Variants in PALS2 observed in about 807,000 individuals in gnomAD.
PALS2 encodes the protein protein associated with LIN7 2, MAGUK p55 family member, also known as protein PALS2.
A neutral mutation model predicts 61.6 loss-of-function variants in PALS2; 27 were observed. That is an observed-to-expected ratio of 0.44 (90% CI 0.32 to 0.60). The LOEUF (loss-of-function observed/expected upper bound fraction) is 0.60. Among genes scored for constraint, PALS2 ranks in the 20% least tolerant of loss-of-function variants. The probability of loss-of-function intolerance (pLI) is 0.05; values close to 1 mark genes in which losing one functional copy is unlikely to be tolerated. For missense variants in PALS2, 554 were observed against 639.4 expected (o/e 0.87, Z 1.44); for synonymous variants, 236 against 218.6 (o/e 1.08, Z -0.70).
chr7:24,626,269 G>C (rs1395638201), intron 2 of PALS2, among the ~76,000 whole-genome samples: 1 of 151,850 alleles, frequency 6.6e-6, no homozygotes, highest in African/African-American at 2.4e-5. Context: ...TTTAAAGATA[G>C]GTTATTAGAA....
At chr7:24,665,389 T>A (rs970699934) in intron 6 of PALS2, among the ~76,000 whole-genome samples, 199 bp from the exon 7 acceptor site, 2 of 152,208 alleles carry the variant, frequency 1.3e-5, no homozygotes, top group South Asian at 2.1e-4. Flanking sequence ...ATGACAGATA[T>A]GAAGAATTTT....
intron 3 of PALS2, among the ~76,000 whole-genome samples, chr7:24,642,570 G>A (rs749965765): frequency 5.3e-5 from 8 of 152,070 alleles, no homozygotes; most frequent in African/African-American, 9.7e-5. Flanking sequence ...CTGCATTTTC[G>A]TGGAAAAAGA....
chr7:24,641,149 T>C (rs973527372), intron 2 of PALS2, among the ~76,000 whole-genome samples: 2 of 151,992 alleles, frequency 1.3e-5, no homozygotes, highest in African/African-American at 2.4e-5. Flanking sequence ...CTGATTAAAT[T>C]ATATAGTCTT....
intron 8 of PALS2, 93 bp from the exon 9 acceptor site, chr7:24,668,406 C>A: frequency 8.2e-7 from 1 of 1,216,920 alleles, no homozygotes; most frequent in Non-Finnish European, 1.1e-6. Context: ...ATTTAACTAT[C>A]AAGACAGCTA....
chr7:24,658,506 C>T (rs1198031831), intron 5 of PALS2, among the ~76,000 whole-genome samples: 1 of 151,658 alleles, frequency 6.6e-6, no homozygotes, highest in African/African-American at 2.4e-5. Flanking sequence ...AAAATTTTAC[C>T]TTGTTGGGTG....
At chr7:24,679,405 T>G in intron 10 of PALS2, 72 bp downstream of exon 10, 1 of 1,518,750 alleles carries the variant, frequency 6.6e-7, no homozygotes, top group Non-Finnish European at 9.0e-7. Flanking sequence ...GTGTCGGGGT[T>G]GTTGGGTTGG....
chr7:24,638,694 A>G (rs1785367868), intron 2 of PALS2, among the ~76,000 whole-genome samples: 1 of 152,122 alleles, frequency 6.6e-6, no homozygotes, highest in Admixed American at 6.6e-5. Flanking sequence ...GCTGATATGA[A>G]AAAATCTTCA....
At chr7:24,637,241 G>A (rs963951221) in intron 2 of PALS2, among the ~76,000 whole-genome samples, 25 of 145,796 alleles carry the variant, frequency 1.7e-4, no homozygotes. Flanking sequence ...GGCAATTTCT[G>A]ATATGTTCTT....
intron 1 of PALS2, among the ~76,000 whole-genome samples, chr7:24,603,657 G>A (rs1261246428): frequency 6.6e-6 from 1 of 152,138 alleles, no homozygotes; most frequent in Non-Finnish European, 1.5e-5. Context: ...CCACAACATT[G>A]GCTCAAATGG....
chr7:24,591,357 C>G (rs1783279500), intron 1 of PALS2, among the ~76,000 whole-genome samples: 1 of 152,088 alleles, frequency 6.6e-6, no homozygotes, highest in South Asian at 2.1e-4. Context: ...TGAGCAAGGC[C>G]TCACTGAGAT....
At chr7:24,657,590 C>G (rs990209132) in intron 5 of PALS2, among the ~76,000 whole-genome samples, 34 of 152,088 alleles carry the variant, frequency 2.2e-4, no homozygotes, top group African/African-American at 8.2e-4. Context: ...TTTATGTATT[C>G]ATTATACAAG....
At chr7:24,607,668 CACATAT>C (rs1024212634) in intron 1 of PALS2, among the ~76,000 whole-genome samples, 1 of 151,160 alleles carries the variant, frequency 6.6e-6, no homozygotes, top group South Asian at 2.1e-4. Context: ...TGTATACACA[CACATAT>C]ACATATGTGT....
chr7:24,684,974 C>T (rs1416111690), intron 11 of PALS2, among the ~76,000 whole-genome samples: 1 of 151,502 alleles, frequency 6.6e-6, no homozygotes, highest in African/African-American at 2.4e-5. Flanking sequence ...TTTTAAGTTC[C>T]GGGGTGCATG....
At chr7:24,640,235 T>G (rs79028118) in intron 2 of PALS2, among the ~76,000 whole-genome samples, 9,611 of 152,204 alleles carry the variant, frequency 0.063, 354 homozygotes, top group African/African-American at 0.093. Context: ...CATATGACTT[T>G]TAGAATTTCT....
In PALS2 at chr7:24,650,596, A is replaced by G; in HGVS notation, c.535A>G (p.Asn179Asp). 2 of 1,611,514 alleles carry G rather than the reference A, an allele frequency of 1.2e-6. No homozygotes were observed. Among genetic ancestry groups the G allele is most frequent in the Non-Finnish European group, 1.7e-6 (2 of 1,177,840 alleles). ...LHVGDIIKEVNGHEVGNNPKE... is the reference protein window; with the variant it reads ...LHVGDIIKEVDGHEVGNNPKE... ...TGTGGGAGATATAATTAAAGAAGTC[A>G]ATGGCCATGAGGTTGGAAATAATCC... The change falls in exon 5 of 12, where the codon AAT becomes GAT. Residue 179 changes from asparagine to aspartate, a missense_variant. Physicochemically the swap from Asn to Asp is conservative, Grantham distance 23. Coordinates refer to ENST00000222644, the MANE Select transcript of PALS2 (RefSeq NM_001303037.2).
rs759427051 is a variant in PALS2, at chr7:24,641,825, A to G, written c.227A>G (p.Asn76Ser). Residue 76 changes from asparagine (N) to serine (S), a missense_variant, in exon 3 of 12, where the codon AAT becomes AGT. Transcript: ENST00000222644. ...DITPLINVDE[N>S]VAELVGILKE... is the part of the protein sequence containing the mutation. ...ACTCCTCTAATAAATGTGGATGAAA[A>G]TGTGGCAGAATTGGTTGGTATACTC... The G allele has an allele frequency of 7.4e-6, 12 of 1,613,208 alleles. No homozygotes were observed. The highest frequency in any genetic ancestry group is 8.5e-7 in the Non-Finnish European group (1 of 1,179,750).
chr7:24,599,021 G>C (rs1484177994), intron 1 of PALS2, among the ~76,000 whole-genome samples: 2 of 152,108 alleles, frequency 1.3e-5, no homozygotes, highest in Non-Finnish European at 2.9e-5. Context: ...TGTTGAATGA[G>C]GCAGGAATAA....
chr7:24,676,595 G>A (rs528710080), intron 9 of PALS2, among the ~76,000 whole-genome samples: 1 of 152,082 alleles, frequency 6.6e-6, no homozygotes, highest in Non-Finnish European at 1.5e-5. Context: ...TCTATGTATG[G>A]CTAGCCAGTG....
At chr7:24,672,492 A>G (rs1787350608) in intron 9 of PALS2, among the ~76,000 whole-genome samples, 1 of 152,028 alleles carries the variant, frequency 6.6e-6, no homozygotes. Context: ...TAGCCTCCCA[A>G]AGTGCTGGGA....
Sources: gnomAD v4.1 joint callset for allele counts (sites outside exome capture counted in the v4.1 genomes callset) on GRCh38, gnomAD v4.1.1 for gene constraint, MANE v1.5 for transcripts, NCBI Gene and HGNC (gene_info 2026-07-23, HGNC 2026-07-21) for gene names.